Variants in SPSB3 observed in about 807,000 individuals in gnomAD.
SPSB3 encodes splA/ryanodine receptor domain and SOCS box containing 3, also known as SPRY domain-containing SOCS box protein 3.
A neutral mutation model predicts 29.5 loss-of-function variants in SPSB3; 18 were observed. The observed-to-expected ratio is 0.61, with a 90% CI of 0.42 to 0.91. SPSB3 has a LOEUF of 0.91. Ranked by LOEUF, SPSB3 falls within the 40% of genes least tolerant of loss-of-function variation. The probability of loss-of-function intolerance (pLI) is 0.00; values close to 1 mark genes in which losing one functional copy is unlikely to be tolerated. For missense variants in SPSB3, 540 were observed against 507.5 expected (o/e 1.06, Z -0.61); for synonymous variants, 299 against 214.1 (o/e 1.40, Z -3.46).
Position 1,776,770 on chromosome 16 carries a change from C to T in SPSB3, c.*327G>A, listed in dbSNP as rs901742009. 2.7e-5 allele frequency: 12 copies of T among 438,246 alleles called. No homozygotes were observed. Among genetic ancestry groups the T allele is most frequent in the African/African-American group, 4.0e-5 (2 of 50,094 alleles). 27.1% of individuals were successfully genotyped at this position (438,246 alleles called of 1,614,324 possible). A position where few individuals can be genotyped will look rare whatever the true frequency, so the allele number is the denominator to read the frequency against. On this transcript the variant is annotated 3_prime_UTR_variant, in exon 7 of 7. Coordinates refer to ENST00000566339, the MANE Select transcript of SPSB3 (RefSeq NM_080861.4). ...GTCCTTTAAGTCTATGACGGCGGGGCAGCCGCTGACAGCATGCAGAGCAAG... is the reference window on the plus strand; with the variant it reads ...GTCCTTTAAGTCTATGACGGCGGGGTAGCCGCTGACAGCATGCAGAGCAAG...
chr16:1,782,417 C>A (rs1383276830), intron 1 of SPSB3, 85 bp downstream of exon 1: 1 of 151,946 alleles, frequency 6.6e-6, no homozygotes, highest in Non-Finnish European at 1.5e-5. Flanking sequence ...AAAGGCGGCG[C>A]CCTGGCCGCG....
intron 2 of SPSB3, chr16:1,780,239 G>A (rs531403800): frequency 2.0e-5 from 3 of 152,550 alleles, no homozygotes; most frequent in African/African-American, 7.2e-5. Flanking sequence ...GAGGCCAGGA[G>A]AGACTGCTCC....
chr16:1,776,941 A>G lies in SPSB3; in HGVS notation c.*156T>C. 1 of 842,636 alleles carries G rather than the reference A, an allele frequency of 1.2e-6. No homozygotes were observed. The highest frequency in any genetic ancestry group is 1.8e-6 in the Non-Finnish European group (1 of 556,868). 52.2% of individuals were successfully genotyped at this position (842,636 alleles called of 1,614,324 possible). On this transcript the variant is annotated 3_prime_UTR_variant, in exon 7 of 7. Coordinates refer to ENST00000566339, the MANE Select transcript of SPSB3 (RefSeq NM_080861.4). ...GAGGGGCCCTAGAGCCCCCACAGAA[A>G]GGACTGTCCCAGCCTCGGGAGCAAG...
Position 1,778,885 on chromosome 16 carries a change from G to A in SPSB3, c.127-273C>T, listed in dbSNP as rs2042753840. ...GGCCTCCAAGTGGTTTCTAGACGGT[G>A]GATAAGCCCCAGGTCCACCCCACCT... On this transcript the variant is annotated intron_variant, in intron 2 of 6. Transcript: ENST00000566339. 6 of 374,222 alleles carry A rather than the reference G, an allele frequency of 1.6e-5. No individual in the cohort carries two copies. In the South Asian group the frequency reaches 4.3e-4, roughly 27 times the overall value. The allele number at this position is 374,222 out of a possible 1,614,324, so 23.2% of individuals were successfully genotyped here. A position where few individuals can be genotyped will look rare whatever the true frequency, so the allele number is the denominator to read the frequency against.
At chr16:1,781,679 C>A in intron 1 of SPSB3, 184 bp from the exon 2 acceptor site, 1 of 613,492 alleles carries the variant, frequency 1.6e-6, no homozygotes, top group Admixed American at 3.0e-5. Flanking sequence ...TCAATAAAAC[C>A]CAGGTAGATC....
rs1381948766 is a variant in SPSB3 at position 1,777,398 on chromosome 16, AC to A, written c.766del (p.Val256CysfsTer10). The part of the protein sequence containing the change: ...KLQNKRFYPM[V>X]CSTAARSSMK... ...GCTGCTCCGGGCCGCCGTGGAGCAC[AC>A]CATCGGGTAGAATCTCTTGTTCTGC... On this transcript the variant is annotated frameshift_variant, in exon 7 of 7. Transcript: ENST00000566339. LOFTEE classifies it high-confidence loss of function. 1 of 1,579,604 alleles carries A rather than the reference AC, an allele frequency of 6.3e-7. No individual in the cohort carries two copies. Among genetic ancestry groups the A allele is most frequent in the Non-Finnish European group, 8.6e-7 (1 of 1,165,744 alleles).
Position 1,782,531 on chromosome 16 carries a change from C to G in SPSB3, c.-42G>C, listed in dbSNP as rs1178433224. On this transcript the variant is annotated 5_prime_UTR_variant, in exon 1 of 7. Coordinates refer to ENST00000566339, the MANE Select transcript of SPSB3 (RefSeq NM_080861.4). ...AGCCCCCGCTGCGCGCTCCGCCGGC[C>G]CGGCCCTGACCCACTTTCCGCCCCG... 6.5e-6 allele frequency: 1 copy of G among 153,596 alleles called. No homozygotes were observed. The highest frequency in any genetic ancestry group is 2.4e-5 in the African/African-American group (1 of 41,504). The allele number at this position is 153,596 out of a possible 1,614,324, so 9.5% of individuals were successfully genotyped here. A position where few individuals can be genotyped will look rare whatever the true frequency, so the allele number is the denominator to read the frequency against.
In SPSB3 at chr16:1,776,971, G is replaced by A; in HGVS notation, c.*126C>T. ...TGTCCCAGCCTCGGGAGCAAGAGATGGCTCCCTCCGGACGGGCCTCATCCA... is the reference window on the plus strand; with the variant it reads ...TGTCCCAGCCTCGGGAGCAAGAGATAGCTCCCTCCGGACGGGCCTCATCCA... On this transcript the variant is annotated 3_prime_UTR_variant, in exon 7 of 7. Transcript: ENST00000566339. 9.3e-7 allele frequency: 1 copy of A among 1,080,574 alleles called. No homozygotes were observed. Among genetic ancestry groups the A allele is most frequent in the Non-Finnish European group, 1.3e-6 (1 of 760,172 alleles). 66.9% of individuals were successfully genotyped at this position (1,080,574 alleles called of 1,614,324 possible). A position where few individuals can be genotyped will look rare whatever the true frequency, so the allele number is the denominator to read the frequency against.
At chr16:1,780,438 G>A (rs1291700499) in intron 2 of SPSB3, 1 of 152,510 alleles carries the variant, frequency 6.6e-6, no homozygotes, top group Non-Finnish European at 1.5e-5. Context: ...GGGGGTCAGG[G>A]GCCATGGGGG....
rs766331740 is a variant in SPSB3, at chr16:1,778,533, G to A, written c.206C>T (p.Ser69Phe). 34 of 1,609,624 alleles carry A rather than the reference G, an allele frequency of 2.1e-5. No homozygotes were observed. The highest frequency in any genetic ancestry group is 2.6e-5 in the Non-Finnish European group (31 of 1,177,792). ...IPSAVPVTGE[S>F]FCDCAGQSEA... ...GCTCTGCCCAGCACAGTCACAGAAG[G>A]ACTCGCCGGTCACGGGCACCGCACT... Residue 69 changes from serine to phenylalanine, a missense_variant, in exon 3 of 7, where the codon TCC (serine) becomes TTC (phenylalanine). Ser to Phe is a radical substitution (Grantham distance 155). Transcript: ENST00000566339.
intron 2 of SPSB3, 51 bp downstream of exon 2, chr16:1,781,307 G>A (rs971619548): frequency 1.9e-6 from 3 of 1,612,632 alleles, no homozygotes; most frequent in African/African-American, 1.3e-5. Context: ...CCTGCCTAGG[G>A]CATCTCCACA....
intron 2 of SPSB3, 192 bp downstream of exon 2, chr16:1,781,166 G>A: frequency 6.5e-7 from 1 of 1,532,038 alleles, no homozygotes; most frequent in Non-Finnish European, 8.7e-7. Context: ...GGCTGTGTGT[G>A]TCCTTTGCCA....
intron 3 of SPSB3, 36 bp from the exon 4 acceptor site, chr16:1,778,357 G>A (rs1345186459): frequency 6.2e-7 from 1 of 1,610,480 alleles, no homozygotes. Flanking sequence ...AGCCCTGAGA[G>A]CTCCATGGGG....
chr16:1,779,610 C>T (rs969954851), intron 2 of SPSB3: 13 of 152,314 alleles, frequency 8.5e-5, no homozygotes, highest in African/African-American at 2.9e-4. Context: ...AAGTGCGGGT[C>T]CCCAGAGCCA....
chr16:1,780,501 G>A (rs1001221004), intron 2 of SPSB3: 2 of 152,496 alleles, frequency 1.3e-5, no homozygotes, highest in Non-Finnish European at 2.9e-5. Flanking sequence ...CTGGGCTGCA[G>A]ACAGACAAAC....
chr16:1,781,486 T>C lies in SPSB3; in HGVS notation c.-3A>G. On this transcript the variant is annotated 5_prime_UTR_variant, in exon 2 of 7. Coordinates refer to ENST00000566339, the MANE Select transcript of SPSB3 (RefSeq NM_080861.4). ...CTGTTCCGGGGGCGTCTGGCCATGG[T>C]GGAAAGAATCTAGAAGAAAACACAG... 1 of 1,611,506 alleles carries C rather than the reference T, an allele frequency of 6.2e-7. No homozygotes were observed. The highest frequency in any genetic ancestry group is 1.1e-5 in the South Asian group (1 of 91,010).
chr16:1,777,531 C>T (rs1469971899), intron 6 of SPSB3, 88 bp from the exon 7 acceptor site: 83 of 1,392,164 alleles, frequency 6.0e-5, no homozygotes, highest in Non-Finnish European at 7.3e-5. Flanking sequence ...TACAGTCACC[C>T]GGGTGGGCAG....
chr16:1,780,532 C>T (rs1453624398), intron 2 of SPSB3: 3 of 153,352 alleles, frequency 2.0e-5, no homozygotes, highest in Non-Finnish European at 4.4e-5. Context: ...TTCTGAATAC[C>T]TTCAGGTTCC....
At chr16:1,780,280 G>A (rs1190996004) in intron 2 of SPSB3, 1 of 152,322 alleles carries the variant, frequency 6.6e-6, no homozygotes, top group Admixed American at 6.5e-5. Flanking sequence ...GCTGGAAGTG[G>A]GGCAGGGAGG....
Sources: gnomAD v4.1 joint callset for allele counts on GRCh38, gnomAD v4.1.1 for gene constraint, MANE v1.5 for transcripts, NCBI Gene and HGNC (gene_info 2026-07-23, HGNC 2026-07-21) for gene names.